The following CASTOR2 variants were observed in gnomAD, a reference collection of about 807,000 sequenced individuals.
CASTOR2 encodes the protein GATS protein like 2.
In CASTOR2, 8 loss-of-function variants were observed where a neutral mutation model predicts 31.2. That is an observed-to-expected ratio of 0.26 (90% CI 0.15 to 0.46). The LOEUF (loss-of-function observed/expected upper bound fraction) is 0.46. Ranked by LOEUF, CASTOR2 falls within the 20% of genes least tolerant of loss-of-function variation. CASTOR2 has a pLI of 0.99. For synonymous variants in CASTOR2, 162 were observed against 158.7 expected (o/e 1.02, Z -0.16); for missense variants, 216 against 382.1 (o/e 0.57, Z 3.62).
chr7:75,006,732 G>C (rs1451740527), intron 1 of CASTOR2, among the ~76,000 whole-genome samples: 1 of 152,048 alleles, frequency 6.6e-6, no homozygotes, highest in Non-Finnish European at 1.5e-5. Flanking sequence ...TAAGTCTCAC[G>C]AGATCTGATG....
At chr7:75,011,434 A>G (rs1380815947) in intron 2 of CASTOR2, among the ~76,000 whole-genome samples, 2 of 149,538 alleles carry the variant, frequency 1.3e-5, no homozygotes, top group African/African-American at 4.9e-5. Context: ...ATCTCAAAAA[A>G]AAAAAAAAAA....
chr7:74,985,010 A>C (rs1804030451), intron 1 of CASTOR2, among the ~76,000 whole-genome samples: 2 of 152,042 alleles, frequency 1.3e-5, no homozygotes, highest in Non-Finnish European at 2.9e-5. Flanking sequence ...GATGGTGCAC[A>C]CCTGTAATCC....
At chr7:75,006,383 G>T (rs1432543983) in intron 1 of CASTOR2, among the ~76,000 whole-genome samples, 1 of 152,180 alleles carries the variant, frequency 6.6e-6, no homozygotes, top group Non-Finnish European at 1.5e-5. Context: ...CCATATCCTT[G>T]TGAAAATTTT....
At position 75,011,428 on chromosome 7, in the gene CASTOR2, C is replaced by CAAAA. The variant is rs1294488684; in HGVS notation, c.184+3379_184+3382dup. 1.5e-4 allele frequency among the ~76,000 whole-genome samples: 10 copies of CAAAA among 65,136 alleles called. No individual in the cohort carries two copies. The East Asian group carries it at 5.7e-3, about 37-fold the overall frequency. The allele number at this position is 65,136 out of a possible 152,430, so 42.7% of individuals were successfully genotyped here. Reference sequence around the variant, plus strand: ...TGGGCGATGGAGCAAGACTCCATCTCAAAAAAAAAAAAAAAAAAGTTTGAG... The same window carrying CAAAA: ...TGGGCGATGGAGCAAGACTCCATCTCAAAAAAAAAAAAAAAAAAAAAAGTTTGAG... On this transcript the variant is annotated intron_variant, in intron 2 of 8. Coordinates refer to ENST00000616305, the MANE Select transcript of CASTOR2 (RefSeq NM_001145064.3).
chr7:75,018,020 C>T lies in CASTOR2; in HGVS notation c.409C>T (p.His137Tyr), dbSNP rs1804905842. 1.9e-6 allele frequency: 3 copies of T among 1,614,236 alleles called. No homozygotes were observed. Among genetic ancestry groups the T allele is most frequent in the Non-Finnish European group, 2.5e-6 (3 of 1,180,040 alleles). Residue 137 changes from histidine to tyrosine, a missense_variant, in exon 4 of 9, where the codon CAC (histidine) becomes TAC (tyrosine). Physicochemically the swap from His to Tyr is moderately conservative, Grantham distance 83. This residue lies in a region of CASTOR2 where 114 missense variants were observed against 194.2 expected (regional missense o/e 0.59). Coordinates refer to ENST00000616305, the MANE Select transcript of CASTOR2 (RefSeq NM_001145064.3). ...VRERDLPFVTHTLSSEFTILR... is the reference protein window; with the variant it reads ...VRERDLPFVTYTLSSEFTILR... ...CGAGCGGGACCTGCCCTTTGTCACCCACACATTGTCATCAGAGTTCACCAT... is the reference window on the plus strand; with the variant it reads ...CGAGCGGGACCTGCCCTTTGTCACCTACACATTGTCATCAGAGTTCACCAT...
chr7:74,978,036 A>G (rs1359481865), intron 1 of CASTOR2, among the ~76,000 whole-genome samples: 3 of 149,928 alleles, frequency 2.0e-5, no homozygotes, highest in African/African-American at 7.3e-5. Flanking sequence ...ACCATAACAC[A>G]TTGAACATAC....
intron 1 of CASTOR2, among the ~76,000 whole-genome samples, chr7:75,003,259 C>T (rs1460190508): frequency 2.0e-5 from 3 of 151,988 alleles, no homozygotes; most frequent in Non-Finnish European, 2.9e-5. Context: ...CCAGTCGGGG[C>T]AACATAGTGA....
At position 75,026,189 on chromosome 7, in the gene CASTOR2, G is replaced by GGT. The variant is rs1554440884; in HGVS notation, c.*1490_*1491insGT. Reference sequence around the variant, plus strand: ...CCCTGTGGTTTTGGCTCTGGCGGGGGTTTTTTTTTTTTTTTTTGAGATGGG... The same window carrying GGT: ...CCCTGTGGTTTTGGCTCTGGCGGGGGGTTTTTTTTTTTTTTTTTTGAGATGGG... On this transcript the variant is annotated 3_prime_UTR_variant, in exon 9 of 9. Coordinates refer to ENST00000616305, the MANE Select transcript of CASTOR2 (RefSeq NM_001145064.3). Among the ~76,000 whole-genome samples, 2 of 117,744 alleles carry GGT rather than the reference G, an allele frequency of 1.7e-5. No individual in the cohort carries two copies. The highest frequency in any genetic ancestry group is 6.5e-5 in the African/African-American group (2 of 30,772). 77.2% of individuals were successfully genotyped at this position (117,744 alleles called of 152,430 possible). A position where few individuals can be genotyped will look rare whatever the true frequency, so the allele number is the denominator to read the frequency against.
rs1332681476 is a variant in CASTOR2, at chr7:75,008,211, G to A, written c.184+147G>A. 9 of 1,094,838 alleles carry A rather than the reference G, an allele frequency of 8.2e-6. No individual in the cohort carries two copies. In the African/African-American group the frequency reaches 1.2e-4, roughly 15 times the overall value. 67.8% of individuals were successfully genotyped at this position (1,094,838 alleles called of 1,614,324 possible). On this transcript the variant is annotated intron_variant, in intron 2 of 8. Coordinates refer to ENST00000616305, the MANE Select transcript of CASTOR2 (RefSeq NM_001145064.3). ...TTCTGCCCTCATCTGCTGGTCAGCTGGAAAAACAGCAGAGTGTATTTCCTT... is the reference window on the plus strand; with the variant it reads ...TTCTGCCCTCATCTGCTGGTCAGCTAGAAAAACAGCAGAGTGTATTTCCTT...
intron 2 of CASTOR2, among the ~76,000 whole-genome samples, chr7:75,016,258 C>T (rs1464389963): frequency 1.3e-5 from 2 of 152,206 alleles, no homozygotes; most frequent in African/African-American, 4.8e-5. Flanking sequence ...GCCTGTGTCC[C>T]ACATTCAGGG....
chr7:75,020,735 C>T (rs1171407664), intron 6 of CASTOR2, among the ~76,000 whole-genome samples: 7 of 151,914 alleles, frequency 4.6e-5, no homozygotes, highest in Non-Finnish European at 7.4e-5. Context: ...GTGATCTGCC[C>T]GCCCCGGCCT....
At position 74,970,766 on chromosome 7, in the gene CASTOR2, C is replaced by CA. The variant is rs1368228940; in HGVS notation, c.113+5677dup. Among the ~76,000 whole-genome samples the CA allele has an allele frequency of 8.1e-4, 97 of 119,208 alleles. 2 individuals carry two copies. The highest frequency in any genetic ancestry group is 8.1e-4 in the Non-Finnish European group (46 of 56,626). The allele number at this position is 119,208 out of a possible 152,430, so 78.2% of individuals were successfully genotyped here. ...GCAACAAAGCAAGACCCCATCTCCA[C>CA]AAAAAAAAATTTTTTAAAATAACTT... On this transcript the variant is annotated intron_variant, in intron 1 of 8. Coordinates refer to ENST00000616305, the MANE Select transcript of CASTOR2 (RefSeq NM_001145064.3).
chr7:74,977,689 A>G (rs1554435894), intron 1 of CASTOR2, among the ~76,000 whole-genome samples: 2 of 150,534 alleles, frequency 1.3e-5, no homozygotes, highest in African/African-American at 4.9e-5. Flanking sequence ...CCTGAAAAAA[A>G]TTCTTGAGAC....
rs933011377 is a variant in CASTOR2, at chr7:75,025,776, G to A, written c.*1077G>A. Among the ~76,000 whole-genome samples, 61 of 152,294 alleles carry A rather than the reference G, an allele frequency of 4.0e-4. No individual in the cohort carries two copies. Among genetic ancestry groups the A allele is most frequent in the Admixed American group, 8.5e-4 (13 of 15,292 alleles). On this transcript the variant is annotated 3_prime_UTR_variant, in exon 9 of 9. Coordinates refer to ENST00000616305, the MANE Select transcript of CASTOR2 (RefSeq NM_001145064.3). The stretch of plus-strand genomic sequence containing the variant: ...TATTTGCACCCAGGGTGCTCTTGGC[G>A]GTAGTTTCTGTTTGGCAGGGATAGG...
At chr7:75,008,207 A>G (rs1405762761) in intron 2 of CASTOR2, 143 bp downstream of exon 2, 6 of 1,131,262 alleles carry the variant, frequency 5.3e-6, no homozygotes, top group Non-Finnish European at 6.6e-6. Context: ...TCTGCTGGTC[A>G]GCTGGAAAAA....
intron 7 of CASTOR2, among the ~76,000 whole-genome samples, chr7:75,022,271 G>C (rs1011664459): frequency 6.6e-6 from 1 of 152,180 alleles, no homozygotes; most frequent in African/African-American, 2.4e-5. Flanking sequence ...TTGGGAGGCC[G>C]AGGTGGAAAG....
intron 6 of CASTOR2, 104 bp downstream of exon 6, chr7:75,020,253 T>C (rs1412987081): frequency 1.7e-6 from 2 of 1,163,192 alleles, no homozygotes; most frequent in Non-Finnish European, 2.5e-6. Context: ...TTGTTGTTGT[T>C]TTTTTTTGAT....
chr7:75,002,764 G>A (rs1804525461), intron 1 of CASTOR2, among the ~76,000 whole-genome samples: 2 of 152,028 alleles, frequency 1.3e-5, no homozygotes, highest in East Asian at 1.9e-4. Context: ...GTGGAGAGGC[G>A]AAAACGGATC....
Position 75,020,346 on chromosome 7 carries a change from A to G in CASTOR2, c.746+197A>G, listed in dbSNP as rs1263357211. ...CAACCTCCACCTCTCAGGTTCAAGC[A>G]ATTCTCCTGCCTCAGCTGGGACTAC... On this transcript the variant is annotated intron_variant, in intron 6 of 8. Transcript: ENST00000616305. Among the ~76,000 whole-genome samples, 11 of 139,838 alleles carry G rather than the reference A, an allele frequency of 7.9e-5. No individual in the cohort carries two copies. The South Asian group carries it at 2.5e-3, about 32-fold the overall frequency. 91.7% of individuals were successfully genotyped at this position (139,838 alleles called of 152,430 possible). A position where few individuals can be genotyped will look rare whatever the true frequency, so the allele number is the denominator to read the frequency against.
Sources: gnomAD v4.1 joint callset for allele counts (sites outside exome capture counted in the v4.1 genomes callset) on GRCh38, gnomAD v4.1.1 for gene constraint, gnomAD v4.1.1 regional missense constraint, MANE v1.5 for transcripts, NCBI Gene and HGNC (gene_info 2026-07-23, HGNC 2026-07-21) for gene names.